The following B3GALT1 variants were observed in gnomAD, a reference collection of about 807,000 sequenced individuals.
The protein encoded by B3GALT1 is UDP-Gal:betaGlcNAc beta 1,3-galactosyltransferase, polypeptide 1.
A neutral mutation model predicts 23.2 loss-of-function variants in B3GALT1; 10 were observed. That is an observed-to-expected ratio of 0.43 (90% CI 0.27 to 0.73). The LOEUF (loss-of-function observed/expected upper bound fraction) is 0.73, where lower values mean the gene tolerates loss of function less well. Among genes scored for constraint, B3GALT1 ranks in the 30% least tolerant of loss-of-function variants. B3GALT1 has a pLI of 0.21. For synonymous variants in B3GALT1, 156 were observed against 141.5 expected (o/e 1.10, Z -0.73); for missense variants, 299 against 405.4 (o/e 0.74, Z 2.25).
intron 3 of B3GALT1, among the ~76,000 whole-genome samples, chr2:167,655,634 G>A (rs534591616): frequency 1.5e-4 from 23 of 152,274 alleles, no homozygotes; most frequent in African/African-American, 5.5e-4. Flanking sequence ...TTGACAGTTT[G>A]TAAATCATTT....
In B3GALT1 at chr2:167,871,912, TTTTTTTTG is replaced by T. The variant is rs1380316909; in HGVS notation, c.*1893_*1900del. Reference sequence around the variant, plus strand: ...TTTACTTTTTTTTTTTTTTTTTTTTTTTTTTTTGAGACGGAGTCTAGCTCTGTGGCCCA... The same window carrying T: ...TTTACTTTTTTTTTTTTTTTTTTTTTAGACGGAGTCTAGCTCTGTGGCCCA... On this transcript the variant is annotated 3_prime_UTR_variant, in exon 5 of 5. Coordinates refer to ENST00000392690, the MANE Select transcript of B3GALT1 (RefSeq NM_020981.4). The T allele has an allele frequency of 1.5e-5, 2 of 136,050 alleles. No homozygotes were observed. The highest frequency in any genetic ancestry group is 5.5e-5 in the African/African-American group (2 of 36,084). The allele number at this position is 136,050 out of a possible 1,614,324, so 8.4% of individuals were successfully genotyped here. A position where few individuals can be genotyped will look rare whatever the true frequency, so the allele number is the denominator to read the frequency against.
intron 2 of B3GALT1, among the ~76,000 whole-genome samples, chr2:167,516,871 A>C (rs1558889674): frequency 6.6e-6 from 1 of 151,464 alleles, no homozygotes; most frequent in Non-Finnish European, 1.5e-5. Flanking sequence ...GCTCTTCAAG[A>C]TTTACTTCAT....
chr2:167,410,388 G>A (rs1225298452), intron 1 of B3GALT1, among the ~76,000 whole-genome samples: 2 of 151,936 alleles, frequency 1.3e-5, no homozygotes, highest in African/African-American at 4.8e-5. Flanking sequence ...CTACTCGGGA[G>A]GCTGAGGCAA....
chr2:167,414,882 A>C (rs1698444110), intron 1 of B3GALT1, among the ~76,000 whole-genome samples: 1 of 152,088 alleles, frequency 6.6e-6, no homozygotes, highest in Admixed American at 6.5e-5. Context: ...TATTCCCCTA[A>C]CCCATGGCCC....
chr2:167,439,242 C>T (rs904147642), intron 1 of B3GALT1, among the ~76,000 whole-genome samples: 2 of 152,046 alleles, frequency 1.3e-5, no homozygotes, highest in African/African-American at 4.8e-5. Flanking sequence ...GCAGATTTTG[C>T]TTTCTATACT....
intron 1 of B3GALT1, among the ~76,000 whole-genome samples, chr2:167,408,680 T>C (rs956432342): frequency 6.6e-6 from 1 of 151,816 alleles, no homozygotes; most frequent in African/African-American, 2.4e-5. Context: ...TCAGTAACAC[T>C]TATATATGGC....
chr2:167,690,987 G>A (rs796924205), intron 3 of B3GALT1, among the ~76,000 whole-genome samples: 13 of 151,844 alleles, frequency 8.6e-5, no homozygotes, highest in African/African-American at 2.9e-4. Context: ...GTTTTTAAAC[G>A]GGAAATAACA....
At chr2:167,393,711 T>C (rs574662178) in intron 1 of B3GALT1, among the ~76,000 whole-genome samples, 1 of 152,274 alleles carries the variant, frequency 6.6e-6, no homozygotes, top group South Asian at 2.1e-4. Flanking sequence ...TCTTTTGACA[T>C]AGTATGGTAG....
chr2:167,594,924 A>G (rs1303065507), intron 2 of B3GALT1, among the ~76,000 whole-genome samples: 5 of 152,100 alleles, frequency 3.3e-5, no homozygotes, highest in African/African-American at 1.2e-4. Flanking sequence ...AAGAAAAGAA[A>G]CAAAAACTTG....
At chr2:167,408,504 G>C (rs919314479) in intron 1 of B3GALT1, among the ~76,000 whole-genome samples, 3 of 152,048 alleles carry the variant, frequency 2.0e-5, no homozygotes, top group African/African-American at 7.2e-5. Context: ...CATACTACTG[G>C]AACTGCTGGC....
At chr2:167,609,213 A>G (rs1685016341) in intron 2 of B3GALT1, among the ~76,000 whole-genome samples, 1 of 152,160 alleles carries the variant, frequency 6.6e-6, no homozygotes, top group Non-Finnish European at 1.5e-5. Context: ...ACACAGACCA[A>G]TAATAACGTA....
chr2:167,329,712 T>G (rs924773221), intron 1 of B3GALT1, among the ~76,000 whole-genome samples: 1 of 152,214 alleles, frequency 6.6e-6, no homozygotes, highest in South Asian at 2.1e-4. Flanking sequence ...AGGGATTAAT[T>G]TCCTTAGCTT....
chr2:167,808,643 A>C (rs1221247169), intron 3 of B3GALT1, among the ~76,000 whole-genome samples: 2 of 148,004 alleles, frequency 1.4e-5, no homozygotes, highest in African/African-American at 5.0e-5. Flanking sequence ...GAGTTTCTGC[A>C]GAGATATCCG....
At chr2:167,467,249 T>C (rs780328900) in intron 1 of B3GALT1, among the ~76,000 whole-genome samples, 1 of 152,026 alleles carries the variant, frequency 6.6e-6, no homozygotes, top group Non-Finnish European at 1.5e-5. Flanking sequence ...TTATCTGTGT[T>C]TAACTATAAT....
chr2:167,345,280 G>A (rs1346452568), intron 1 of B3GALT1, among the ~76,000 whole-genome samples: 1 of 152,054 alleles, frequency 6.6e-6, no homozygotes, highest in East Asian at 1.9e-4. Flanking sequence ...TGAAGTGTAT[G>A]TAGGTGGCCT....
chr2:167,668,387 G>A (rs1397956699), intron 3 of B3GALT1, among the ~76,000 whole-genome samples: 1 of 152,160 alleles, frequency 6.6e-6, no homozygotes, highest in Admixed American at 6.5e-5. Flanking sequence ...GTCTGCAGAG[G>A]TTACTGCTAT....
At chr2:167,782,181 A>G (rs533803903) in intron 3 of B3GALT1, among the ~76,000 whole-genome samples, 1 of 152,308 alleles carries the variant, frequency 6.6e-6, no homozygotes, top group Admixed American at 6.5e-5. Context: ...TGGGTGGAGT[A>G]CACTAACGGA....
intron 4 of B3GALT1, among the ~76,000 whole-genome samples, chr2:167,867,771 A>G (rs1690263027): frequency 6.6e-6 from 1 of 152,236 alleles, no homozygotes. Context: ...CGAGACAGGA[A>G]GAAACAATTT....
chr2:167,426,982 T>C (rs910969888), intron 1 of B3GALT1, among the ~76,000 whole-genome samples: 2 of 152,178 alleles, frequency 1.3e-5, no homozygotes, highest in African/African-American at 4.8e-5. Context: ...AACAGCAAAA[T>C]GGATAAGTTG....
Sources: gnomAD v4.1 joint callset for allele counts (sites outside exome capture counted in the v4.1 genomes callset) on GRCh38, gnomAD v4.1.1 for gene constraint, MANE v1.5 for transcripts, NCBI Gene and HGNC (gene_info 2026-07-23, HGNC 2026-07-21) for gene names.